The following ANKRD45 variants were observed in gnomAD, a reference collection of about 807,000 sequenced individuals.
The protein encoded by ANKRD45 is ankyrin repeat domain 45.
Under a neutral mutation model 28.1 loss-of-function variants are expected in ANKRD45, and 21 were observed. The observed-to-expected ratio is 0.75, with a 90% CI of 0.53 to 1.08. The LOEUF (loss-of-function observed/expected upper bound fraction) is 1.08, where lower values mean the gene tolerates loss of function less well. Among genes scored for constraint, ANKRD45 ranks in the 50% least tolerant of loss-of-function variants. ANKRD45 has a pLI of 0.00. For missense variants in ANKRD45, 261 were observed against 308.7 expected, an observed-to-expected ratio of 0.85 and a Z score of 1.16; for synonymous variants, 86 against 103.9, an observed-to-expected ratio of 0.83 and a Z score of 1.05.
intron 3 of ANKRD45, among the ~76,000 whole-genome samples, chr1:173,639,865 G>C (rs1043956301): frequency 6.6e-6 from 1 of 152,088 alleles, no homozygotes; most frequent in Non-Finnish European, 1.5e-5. Flanking sequence ...GCCCAAATTT[G>C]GGCTAATAGA....
chr1:173,679,343 A>G, the ANKRD45 span, among the ~76,000 whole-genome samples: 1 of 152,228 alleles, frequency 6.6e-6, no homozygotes, highest in Non-Finnish European at 1.5e-5. Context: ...TGGTACCAGA[A>G]CAGATATATA....
At chr1:173,654,230 G>A (rs1012048948) in intron 2 of ANKRD45, among the ~76,000 whole-genome samples, 3 of 152,104 alleles carry the variant, frequency 2.0e-5, no homozygotes, top group Admixed American at 6.6e-5. Context: ...TTCAGTGGCT[G>A]GTACCAGTTG....
intron 2 of ANKRD45, among the ~76,000 whole-genome samples, chr1:173,647,334 G>A (rs1354266659): frequency 6.6e-6 from 1 of 152,156 alleles, no homozygotes; most frequent in Non-Finnish European, 1.5e-5. Flanking sequence ...AACATCATGG[G>A]AGGAAGATGG....
chr1:173,675,550 G>A, the ANKRD45 span: 2 of 154,166 alleles, frequency 1.3e-5, no homozygotes, highest in Non-Finnish European at 1.4e-5. Context: ...GGGGGTAGAG[G>A]TTGCTGTGAG....
the ANKRD45 span, among the ~76,000 whole-genome samples, chr1:173,707,556 C>T: frequency 1.4e-3 from 212 of 152,306 alleles, no homozygotes; most frequent in Non-Finnish European, 2.5e-3. Context: ...TGGTCTTGAA[C>T]TGCTGACCTC....
chr1:173,694,866 GA>G, the ANKRD45 span, among the ~76,000 whole-genome samples: 2 of 152,044 alleles, frequency 1.3e-5, no homozygotes, highest in East Asian at 3.9e-4. Flanking sequence ...GATGTCCAAT[GA>G]ATTGTCTACT....
At chr1:173,639,336 AC>A (rs1156785045) in intron 3 of ANKRD45, among the ~76,000 whole-genome samples, 1 of 152,170 alleles carries the variant, frequency 6.6e-6, no homozygotes, top group Non-Finnish European at 1.5e-5. Context: ...TAACCAAATG[AC>A]CTTGCAGATC....
At chr1:173,632,548 C>G (rs963839716) in intron 3 of ANKRD45, among the ~76,000 whole-genome samples, 11 of 145,942 alleles carry the variant, frequency 7.5e-5, no homozygotes, top group Non-Finnish European at 1.7e-4. Flanking sequence ...AAAAACAAAA[C>G]AAAACCCCAA....
chr1:173,690,055 GCCCCCCGCCCCCCCC>G, the ANKRD45 span, among the ~76,000 whole-genome samples: 7 of 46,200 alleles, frequency 1.5e-4, no homozygotes, highest in Admixed American at 2.1e-4. Context: ...GCCAATGCCT[GCCCCCCGCCCCCCCC>G]CCCCCCGACC....
chr1:173,652,583 T>C (rs1558139367), intron 2 of ANKRD45, among the ~76,000 whole-genome samples: 3 of 152,204 alleles, frequency 2.0e-5, no homozygotes, highest in Admixed American at 6.5e-5. Context: ...TCTGCCAAGC[T>C]TTGGTATCAG....
chr1:173,694,411 G>A, the ANKRD45 span, among the ~76,000 whole-genome samples: 13 of 151,792 alleles, frequency 8.6e-5, no homozygotes, highest in Non-Finnish European at 5.9e-5. Flanking sequence ...TGATCCACCC[G>A]CCTCAGTCTC....
intron 3 of ANKRD45, among the ~76,000 whole-genome samples, chr1:173,642,585 G>T (rs1668749137): frequency 6.6e-6 from 1 of 152,202 alleles, no homozygotes; most frequent in African/African-American, 2.4e-5. Flanking sequence ...TCTGCTAGCT[G>T]TAATAAAGAA....
intron 5 of ANKRD45, among the ~76,000 whole-genome samples, chr1:173,613,533 G>A (rs1328431775): frequency 1.4e-5 from 2 of 140,586 alleles, no homozygotes; most frequent in East Asian, 2.1e-4. Context: ...CCGGCCAGCC[G>A]CCCCGTCCGG....
chr1:173,626,296 A>G (rs970285099), intron 4 of ANKRD45, among the ~76,000 whole-genome samples: 8 of 152,238 alleles, frequency 5.3e-5, no homozygotes, highest in African/African-American at 1.9e-4. Context: ...TGATACCTTC[A>G]GTATATTTTT....
intron 1 of ANKRD45, among the ~76,000 whole-genome samples, chr1:173,668,681 C>A (rs1182549018): frequency 6.6e-6 from 1 of 152,148 alleles, no homozygotes; most frequent in Non-Finnish European, 1.5e-5. Flanking sequence ...ACTTTAAAAC[C>A]AATCGGACAT....
chr1:173,668,493 C>T (rs965513646), intron 1 of ANKRD45, among the ~76,000 whole-genome samples: 2 of 152,204 alleles, frequency 1.3e-5, no homozygotes, highest in Admixed American at 6.5e-5. Context: ...CATCACCCCC[C>T]AGAGCCAAGG....
the ANKRD45 span, among the ~76,000 whole-genome samples, chr1:173,691,876 C>CT: frequency 1.3e-5 from 2 of 152,168 alleles, no homozygotes; most frequent in Admixed American, 6.5e-5. Flanking sequence ...GGAAGGAGTT[C>CT]TTATCCTTGA....
intron 1 of ANKRD45, among the ~76,000 whole-genome samples, chr1:173,662,094 T>G (rs1317639416): frequency 6.6e-6 from 1 of 152,148 alleles, no homozygotes; most frequent in Non-Finnish European, 1.5e-5. Context: ...ACGACTCAAC[T>G]CTGCAGTTGT....
the ANKRD45 span, among the ~76,000 whole-genome samples, chr1:173,694,556 T>C: frequency 6.7e-6 from 1 of 148,970 alleles, no homozygotes; most frequent in Non-Finnish European, 1.5e-5. Context: ...ATTATTATTA[T>C]TATTATTATT....
Sources: gnomAD v4.1 joint callset for allele counts (sites outside exome capture counted in the v4.1 genomes callset) on GRCh38, gnomAD v4.1.1 for gene constraint, MANE v1.5 for transcripts, NCBI Gene and HGNC (gene_info 2026-07-23, HGNC 2026-07-21) for gene names.